PEX7: variants seen among roughly 807,000 people sequenced by gnomAD.
PEX7 encodes the protein PTS2 receptor.
Under a neutral mutation model 47.5 loss-of-function variants are expected in PEX7, and 34 were observed. That is an observed-to-expected ratio of 0.72 (90% confidence interval 0.54 to 0.95). The LOEUF (loss-of-function observed/expected upper bound fraction) is 0.95, where lower values mean the gene tolerates loss of function less well. Ranked by LOEUF, PEX7 falls within the 40% of genes least tolerant of loss-of-function variation. The probability of loss-of-function intolerance (pLI) is 0.00; values close to 1 mark genes in which losing one functional copy is unlikely to be tolerated. For synonymous variants in PEX7, 141 were observed against 148.8 expected, an observed-to-expected ratio of 0.95 and a Z score of 0.38; for missense variants, 394 against 400.3, an observed-to-expected ratio of 0.98 and a Z score of 0.13.
intron 8 of PEX7, among the ~76,000 whole-genome samples, chr6:136,876,480 CCCT>C (rs1369570080): frequency 6.6e-6 from 1 of 152,156 alleles, no homozygotes; most frequent in African/African-American, 2.4e-5. Flanking sequence ...CTAATGCTAT[CCCT>C]CCTCTAGTCC....
intron 9 of PEX7, among the ~76,000 whole-genome samples, chr6:136,909,859 A>G (rs1286053909): frequency 1.3e-5 from 2 of 152,220 alleles, no homozygotes; most frequent in African/African-American, 4.8e-5. Context: ...ATAAGGTTTC[A>G]GAAACATAAT....
intron 5 of PEX7, 66 bp from the exon 6 acceptor site, chr6:136,866,561 A>T: frequency 7.6e-7 from 1 of 1,315,092 alleles, no homozygotes; most frequent in South Asian, 1.2e-5. Flanking sequence ...TATTATTGTG[A>T]ACACATTATG....
chr6:136,831,104 T>C (rs1325903165), intron 3 of PEX7, among the ~76,000 whole-genome samples: 6 of 152,354 alleles, frequency 3.9e-5, no homozygotes, highest in African/African-American at 1.2e-4. Flanking sequence ...TTCACATTGT[T>C]ATAAAGAAAT....
intron 8 of PEX7, among the ~76,000 whole-genome samples, chr6:136,893,018 G>A (rs561260313): frequency 4.6e-5 from 7 of 152,258 alleles, no homozygotes; most frequent in African/African-American, 9.6e-5. Flanking sequence ...ATCATAGACC[G>A]ATGTTAACAG....
chr6:136,866,705 T>G lies in PEX7; in HGVS notation c.605T>G (p.Leu202Trp). The stretch of plus-strand genomic sequence containing the variant: ...ATTCCTGCACATCAGGCAGAAATCT[T>G]GAGTTGTGACTGGTGTAAATACAAT... ...IVIPAHQAEI[L>W]SCDWCKYNEN... Residue 202 changes from leucine (L) to tryptophan (W), a missense_variant, in exon 6 of 10, where the codon TTG becomes TGG. Leu to Trp is a moderately conservative substitution (Grantham distance 61). Coordinates refer to ENST00000318471, the MANE Select transcript of PEX7 (RefSeq NM_000288.4). The G allele has an allele frequency of 6.2e-7, 1 of 1,613,930 alleles. No individual in the cohort carries two copies. Among genetic ancestry groups the G allele is most frequent in the East Asian group, 2.2e-5 (1 of 44,854 alleles).
chr6:136,901,882 T>C (rs1170708749), intron 9 of PEX7, among the ~76,000 whole-genome samples: 2 of 152,164 alleles, frequency 1.3e-5, no homozygotes, highest in Non-Finnish European at 2.9e-5. Context: ...GTCTTCTGGG[T>C]TCAAGCAATT....
chr6:136,830,553 A>G (rs924353802), intron 3 of PEX7, among the ~76,000 whole-genome samples: 1 of 152,230 alleles, frequency 6.6e-6, no homozygotes, highest in African/African-American at 2.4e-5. Flanking sequence ...TGGTGTCTGC[A>G]GAGGTCATTA....
chr6:136,848,959 C>T (rs1442800654), intron 5 of PEX7, among the ~76,000 whole-genome samples: 3 of 152,016 alleles, frequency 2.0e-5, no homozygotes, highest in Non-Finnish European at 2.9e-5. Context: ...TGGTAGAATT[C>T]GGCTGTGAAT....
chr6:136,847,898 T>C (rs933388873), intron 5 of PEX7, among the ~76,000 whole-genome samples: 2 of 152,220 alleles, frequency 1.3e-5, no homozygotes, highest in Non-Finnish European at 2.9e-5. Flanking sequence ...ATTGGCAGCT[T>C]GATGGGGATG....
intron 5 of PEX7, among the ~76,000 whole-genome samples, chr6:136,857,708 C>G (rs1489257957): frequency 1.3e-5 from 2 of 152,140 alleles, no homozygotes; most frequent in Non-Finnish European, 2.9e-5. Flanking sequence ...TTCCTCATTT[C>G]TAAAATCAGG....
At chr6:136,871,955 A>G (rs1298136363) in intron 7 of PEX7, among the ~76,000 whole-genome samples, 2 of 151,454 alleles carry the variant, frequency 1.3e-5, no homozygotes, top group African/African-American at 4.8e-5. Context: ...ATAAGTTCTA[A>G]AAAGCTTGAG....
rs570495406 is a variant in PEX7 at position 136,869,841 on chromosome 6, G to A, written c.634-49G>A. 26 of 1,368,342 alleles carry A rather than the reference G, an allele frequency of 1.9e-5. No homozygotes were observed. In the South Asian group the frequency reaches 2.7e-4, roughly 14 times the overall value. The allele number at this position is 1,368,342 out of a possible 1,614,324, so 84.8% of individuals were successfully genotyped here. A position where few individuals can be genotyped will look rare whatever the true frequency, so the allele number is the denominator to read the frequency against. ...TTTCTAGTAGGAAAGCCTGCATACT[G>A]TTTAATTGCAAAGATGTCACAGTTT... is the stretch of plus-strand genomic sequence containing the variant. On this transcript the variant is annotated intron_variant, in intron 6 of 9. Coordinates refer to ENST00000318471, the MANE Select transcript of PEX7 (RefSeq NM_000288.4).
At chr6:136,861,491 C>T (rs911214335) in intron 5 of PEX7, among the ~76,000 whole-genome samples, 12 of 152,032 alleles carry the variant, frequency 7.9e-5, no homozygotes, top group Non-Finnish European at 1.5e-4. Context: ...TACTTTTAAC[C>T]TAGTATTAGA....
At position 136,906,025 on chromosome 6, in the gene PEX7, C is replaced by T. The variant is rs929867876; in HGVS notation, c.904-7433C>T. On this transcript the variant is annotated intron_variant, in intron 9 of 9. Transcript: ENST00000318471. ...GATAAGCACTTATTTGTACCTTTACCGTGGATTACTGCAACAATCTCAAAC... is the reference window on the plus strand; with the variant it reads ...GATAAGCACTTATTTGTACCTTTACTGTGGATTACTGCAACAATCTCAAAC... Among the ~76,000 whole-genome samples the T allele has an allele frequency of 3.3e-5, 5 of 152,154 alleles. No individual in the cohort carries two copies. The East Asian group carries it at 5.8e-4, about 18-fold the overall frequency.
chr6:136,907,731 C>G (rs373643961), intron 9 of PEX7, among the ~76,000 whole-genome samples: 15 of 152,164 alleles, frequency 9.9e-5, no homozygotes, highest in African/African-American at 3.6e-4. Flanking sequence ...CACATTAAAT[C>G]ATTTGAGATA....
chr6:136,848,218 C>T (rs1025099105), intron 5 of PEX7, among the ~76,000 whole-genome samples: 1 of 152,166 alleles, frequency 6.6e-6, no homozygotes, highest in African/African-American at 2.4e-5. Flanking sequence ...TTTGCTGAAG[C>T]TGCTTATCAG....
intron 1 of PEX7, chr6:136,823,031 C>T (rs1774111968): frequency 5.1e-6 from 5 of 985,452 alleles, no homozygotes; most frequent in Non-Finnish European, 6.0e-6. Context: ...TACGTGTAGC[C>T]TAGTAGCCCG....
rs528554304 is a variant in PEX7 at position 136,839,234 on chromosome 6, T to C, written c.340-6381T>C. Among the ~76,000 whole-genome samples the C allele has an allele frequency of 1.2e-4, 19 of 152,280 alleles. No homozygotes were observed. In the East Asian group the frequency reaches 3.7e-3, roughly 29 times the overall value. ...TAAGTTTCACCTTAAAAGAAATATA[T>C]AGCCCTTTCTAATCACTCAGTAATT... is the stretch of plus-strand genomic sequence containing the variant. On this transcript the variant is annotated intron_variant, in intron 3 of 9. Transcript: ENST00000318471.
chr6:136,848,162 A>G (rs934904034), intron 5 of PEX7, among the ~76,000 whole-genome samples: 2 of 152,274 alleles, frequency 1.3e-5, no homozygotes, highest in African/African-American at 4.8e-5. Context: ...TTATTGGTGT[A>G]TAGGAATGCT....
Sources: gnomAD v4.1 joint callset for allele counts (sites outside exome capture counted in the v4.1 genomes callset) on GRCh38, gnomAD v4.1.1 for gene constraint, MANE v1.5 for transcripts, NCBI Gene and HGNC (gene_info 2026-07-23, HGNC 2026-07-21) for gene names.